The following ARID2 variants were observed in gnomAD, a reference collection of about 807,000 sequenced individuals.
ARID2 encodes the protein AT-rich interactive domain-containing protein 2.
Under a neutral mutation model 184.6 loss-of-function variants are expected in ARID2, and 32 were observed. The observed-to-expected ratio is 0.17, with a 90% CI of 0.13 to 0.23. The LOEUF (loss-of-function observed/expected upper bound fraction) is 0.23, where lower values mean the gene tolerates loss of function less well. Ranked by LOEUF, ARID2 falls within the 10% of genes least tolerant of loss-of-function variation. The pLI is 1.00. For synonymous variants in ARID2, 836 were observed against 772.6 expected (o/e 1.08, Z -1.36); for missense variants, 1,696 against 2,197.6 (o/e 0.77, Z 4.56).
At chr12:45,735,891 A>G (rs767781763) in intron 3 of ARID2, among the ~76,000 whole-genome samples, 2 of 152,246 alleles carry the variant, frequency 1.3e-5, no homozygotes, top group Admixed American at 6.5e-5. Flanking sequence ...TGAGAACATT[A>G]TAATTCCCAA....
intron 3 of ARID2, among the ~76,000 whole-genome samples, chr12:45,751,811 A>T (rs551226442): frequency 6.6e-6 from 1 of 152,212 alleles, no homozygotes; most frequent in African/African-American, 2.4e-5. Flanking sequence ...ATAGCTAAAC[A>T]TATAAAAGGT....
intron 3 of ARID2, among the ~76,000 whole-genome samples, chr12:45,802,846 T>G (rs1942531767): frequency 6.6e-6 from 1 of 152,240 alleles, no homozygotes; most frequent in Non-Finnish European, 1.5e-5. Flanking sequence ...TGTAACACTT[T>G]TGGCATTGCC....
In ARID2 at chr12:45,905,152, A is replaced by G. The variant is rs1001677941; in HGVS notation, c.*74A>G. 4.8e-6 allele frequency: 7 copies of G among 1,470,404 alleles called. No homozygotes were observed. The African/African-American group carries it at 9.9e-5, about 21-fold the overall frequency. The allele number at this position is 1,470,404 out of a possible 1,614,324, so 91.1% of individuals were successfully genotyped here. A position where few individuals can be genotyped will look rare whatever the true frequency, so the allele number is the denominator to read the frequency against. On this transcript the variant is annotated 3_prime_UTR_variant, in exon 21 of 21. Transcript: ENST00000334344. ...ACATACTGTTACTGAAGAAAGCACC[A>G]AGTCTTAATGGAACAAAGACCATAG...
At chr12:45,904,689 CAAAAAAAAAAAA>C (rs755707280) in intron 20 of ARID2, among the ~76,000 whole-genome samples, 1 of 35,686 alleles carries the variant, frequency 2.8e-5, no homozygotes, top group Non-Finnish European at 7.2e-5. Context: ...GACTCCTTCT[CAAAAAAAAAAAA>C]AAAAAAAAAA....
chr12:45,857,745 C>G (rs1270826507), intron 15 of ARID2, among the ~76,000 whole-genome samples: 1 of 148,402 alleles, frequency 6.7e-6, no homozygotes, highest in Non-Finnish European at 1.5e-5. Flanking sequence ...AAATGCATCT[C>G]TCTCTCTCTC....
intron 20 of ARID2, among the ~76,000 whole-genome samples, chr12:45,895,024 T>A (rs1196473048): frequency 2.0e-5 from 3 of 152,224 alleles, no homozygotes; most frequent in Non-Finnish European, 4.4e-5. Flanking sequence ...CCTTCATGAT[T>A]CAGTTCAGAC....
rs2136462263 is a variant in ARID2, at chr12:45,893,470, T to C, written c.5198T>C (p.Ile1733Thr). The change falls in exon 19 of 21, where the codon ATT becomes ACT. Residue 1733 changes from isoleucine to threonine, a missense_variant. Physicochemically the swap from Ile to Thr is moderately conservative, Grantham distance 89. This residue lies in a region of ARID2 where 58 missense variants were observed against 47.1 expected (regional missense o/e 1.23). Coordinates refer to ENST00000334344, the MANE Select transcript of ARID2 (RefSeq NM_152641.4). Reference sequence around the variant, plus strand: ...TCAACTCCTAGAGCACAAAAGGCCATTGTGAATCATCCCAGTGCTGCACTT... The same window carrying C: ...TCAACTCCTAGAGCACAAAAGGCCACTGTGAATCATCCCAGTGCTGCACTT... ...TSSTPRAQKAIVNHPSAALMA... is the reference protein window; with the variant it reads ...TSSTPRAQKATVNHPSAALMA... 6.2e-7 allele frequency: 1 copy of C among 1,614,062 alleles called. No individual in the cohort carries two copies. The highest frequency in any genetic ancestry group is 8.5e-7 in the Non-Finnish European group (1 of 1,179,956).
intron 3 of ARID2, among the ~76,000 whole-genome samples, chr12:45,802,908 G>T (rs996347617): frequency 6.6e-6 from 1 of 152,032 alleles, no homozygotes; most frequent in South Asian, 2.1e-4. Flanking sequence ...CATAATAAAT[G>T]ATTTTCACAT....
chr12:45,854,005 G>A lies in ARID2; in HGVS notation c.4773+1109G>A, dbSNP rs139382337. Reference sequence around the variant, plus strand: ...GCTTCATCTGTATTTACTTACAGCCGCTTCCCATCACTCACGTTATATCCT... The same window carrying A: ...GCTTCATCTGTATTTACTTACAGCCACTTCCCATCACTCACGTTATATCCT... On this transcript the variant is annotated intron_variant, in intron 15 of 20. Transcript: ENST00000334344. 7.4e-3 allele frequency among the ~76,000 whole-genome samples: 1,122 copies of A among 152,266 alleles called. 10 individuals are homozygous for A. Among genetic ancestry groups the A allele is most frequent in the African/African-American group, 0.025 (1,027 of 41,554 alleles).
rs116446363 is a variant in ARID2 at position 45,824,096 on chromosome 12, T to C, written c.705+2609T>C. ...AAAAGACAGTGCACCATCATTAAGCTGGATTTATCCCAGGGATGTAAGGAT... is the reference window on the plus strand; with the variant it reads ...AAAAGACAGTGCACCATCATTAAGCCGGATTTATCCCAGGGATGTAAGGAT... On this transcript the variant is annotated intron_variant, in intron 6 of 20. Coordinates refer to ENST00000334344, the MANE Select transcript of ARID2 (RefSeq NM_152641.4). Among the ~76,000 whole-genome samples the C allele has an allele frequency of 9.3e-3, 1,412 of 152,234 alleles. 21 individuals carry two copies. The highest frequency in any genetic ancestry group is 0.067 in the South Asian group (323 of 4,820).
intron 11 of ARID2, among the ~76,000 whole-genome samples, chr12:45,844,651 GC>G (rs1565619289): frequency 1.3e-5 from 2 of 152,182 alleles, no homozygotes; most frequent in Non-Finnish European, 2.9e-5. Flanking sequence ...ATAGTAGCTA[GC>G]GTTTATATAG....
chr12:45,856,535 T>C (rs1177672354), intron 15 of ARID2, among the ~76,000 whole-genome samples: 1 of 152,188 alleles, frequency 6.6e-6, no homozygotes, highest in Non-Finnish European at 1.5e-5. Flanking sequence ...CTAGGGATGT[T>C]AAGGAAGTAC....
intron 3 of ARID2, among the ~76,000 whole-genome samples, chr12:45,774,858 A>G (rs1001276041): frequency 5.3e-5 from 8 of 152,154 alleles, no homozygotes; most frequent in East Asian, 3.8e-4. Flanking sequence ...AACATTTTCA[A>G]TTTACTGCTG....
intron 5 of ARID2, among the ~76,000 whole-genome samples, chr12:45,819,120 A>G (rs1013425593): frequency 1.3e-5 from 2 of 152,198 alleles, no homozygotes; most frequent in African/African-American, 4.8e-5. Context: ...GCCTTTGAAA[A>G]GAATGTATAT....
intron 16 of ARID2, among the ~76,000 whole-genome samples, chr12:45,886,532 C>G (rs1434284867): frequency 6.6e-6 from 1 of 152,212 alleles, no homozygotes; most frequent in African/African-American, 2.4e-5. Flanking sequence ...AGTGGGGACT[C>G]TGTGTGGGGC....
chr12:45,776,498 A>G (rs922646547), intron 3 of ARID2, among the ~76,000 whole-genome samples: 4 of 152,234 alleles, frequency 2.6e-5, no homozygotes, highest in Non-Finnish European at 5.9e-5. Context: ...AGGTGTTTAT[A>G]TAAATCACTA....
chr12:45,759,324 A>T (rs1459967800), intron 3 of ARID2, among the ~76,000 whole-genome samples: 1 of 152,186 alleles, frequency 6.6e-6, no homozygotes, highest in African/African-American at 2.4e-5. Context: ...ATAGGAATAT[A>T]ATGAGATAAT....
At chr12:45,842,650 A>G (rs1943371499) in intron 11 of ARID2, among the ~76,000 whole-genome samples, 1 of 151,768 alleles carries the variant, frequency 6.6e-6, no homozygotes, top group African/African-American at 2.4e-5. Flanking sequence ...CCAGCTACTC[A>G]GGAGGCTGAG....
At chr12:45,862,163 G>A (rs992474921) in intron 16 of ARID2, among the ~76,000 whole-genome samples, 1 of 151,128 alleles carries the variant, frequency 6.6e-6, no homozygotes, top group African/African-American at 2.4e-5. Context: ...GATCATTTTA[G>A]TAGGTTTTTG....
Sources: gnomAD v4.1 joint callset for allele counts (sites outside exome capture counted in the v4.1 genomes callset) on GRCh38, gnomAD v4.1.1 for gene constraint, gnomAD v4.1.1 regional missense constraint, MANE v1.5 for transcripts, NCBI Gene and HGNC (gene_info 2026-07-23, HGNC 2026-07-21) for gene names.